ADCK1: variants seen among roughly 807,000 people sequenced by gnomAD.
ADCK1 encodes aarF domain-containing protein kinase 1.
In ADCK1, 41 loss-of-function variants were observed where a neutral mutation model predicts 52.3. That is an observed-to-expected ratio of 0.78 (90% CI 0.61 to 1.02). The LOEUF (loss-of-function observed/expected upper bound fraction) is 1.02, where lower values mean the gene tolerates loss of function less well. ADCK1 is among the 50% of genes least tolerant of loss of function. The probability of loss-of-function intolerance (pLI) is 0.00; values close to 1 mark genes in which losing one functional copy is unlikely to be tolerated. For synonymous variants in ADCK1, 250 were observed against 274.6 expected (o/e 0.91, Z 0.89); for missense variants, 658 against 679.5 (o/e 0.97, Z 0.35).
rs2082026767 is a variant in ADCK1, at chr14:77,839,711, A to G, written c.219+17193A>G. On this transcript the variant is annotated intron_variant, in intron 3 of 10. Coordinates refer to ENST00000238561, the MANE Select transcript of ADCK1 (RefSeq NM_020421.4). The stretch of plus-strand genomic sequence containing the variant: ...CACTTTGGGAGGCCGATGCAGGTGG[A>G]TGACGTGAGATCAGGAGTTTGAGAC... Among the ~76,000 whole-genome samples the G allele has an allele frequency of 2.0e-5, 3 of 151,924 alleles. No homozygotes were observed. The South Asian group carries it at 6.2e-4, about 31-fold the overall frequency.
At chr14:77,862,243 G>A (rs2082565453) in intron 4 of ADCK1, among the ~76,000 whole-genome samples, 1 of 152,208 alleles carries the variant, frequency 6.6e-6, no homozygotes, top group Admixed American at 6.5e-5. Context: ...GCAATCAGGA[G>A]CCCAGCCTCT....
chr14:77,864,706 G>A (rs2082626522), intron 4 of ADCK1, among the ~76,000 whole-genome samples: 1 of 151,916 alleles, frequency 6.6e-6, no homozygotes, highest in Admixed American at 6.6e-5. Context: ...TGTATTTAGA[G>A]CTAGAGAGAG....
At chr14:77,892,027 G>A (rs1280905492) in intron 5 of ADCK1, among the ~76,000 whole-genome samples, 1 of 152,146 alleles carries the variant, frequency 6.6e-6, no homozygotes, top group African/African-American at 2.4e-5. Flanking sequence ...ACAGAGAGGA[G>A]GAAAAGCTAC....
chr14:77,915,839 C>G (rs949809218), intron 7 of ADCK1, among the ~76,000 whole-genome samples: 2 of 152,172 alleles, frequency 1.3e-5, no homozygotes, highest in Non-Finnish European at 2.9e-5. Flanking sequence ...GCTGTGCCAC[C>G]TTGGTGAAGC....
At position 77,887,125 on chromosome 14, in the gene ADCK1, C is replaced by T. The variant is rs760236958; in HGVS notation, c.458C>T (p.Pro153Leu). 6.2e-7 allele frequency: 1 copy of T among 1,605,350 alleles called. No homozygotes were observed. Among genetic ancestry groups the T allele is most frequent in the Non-Finnish European group, 8.5e-7 (1 of 1,176,064 alleles). Residue 153 changes from proline to leucine, a missense_variant, in exon 5 of 11, where the codon CCT (proline) becomes CTT (leucine). Coordinates refer to ENST00000238561, the MANE Select transcript of ADCK1 (RefSeq NM_020421.4). The stretch of plus-strand genomic sequence containing the variant: ...TTGTTCCAGAGCTTCGATGACACCC[C>T]TCTGGGGACGGCCTCCCTGGCCCAG... ...HDLFQSFDDT[P>L]LGTASLAQVH...
rs115763185 is a variant in ADCK1 at position 77,840,570 on chromosome 14, G to A, written c.219+18052G>A. 6.4e-3 allele frequency among the ~76,000 whole-genome samples: 969 copies of A among 152,182 alleles called. 8 individuals are homozygous for A. Among genetic ancestry groups the A allele is most frequent in the African/African-American group, 0.022 (929 of 41,510 alleles). ...AGCAGATTAAGAAATTAAACTGGCC[G>A]TGTGTGGTGGCTCACGCCTGTAATC... On this transcript the variant is annotated intron_variant, in intron 3 of 10. Coordinates refer to ENST00000238561, the MANE Select transcript of ADCK1 (RefSeq NM_020421.4).
At chr14:77,932,485 G>A (rs764815371) in intron 10 of ADCK1, among the ~76,000 whole-genome samples, 6 of 152,134 alleles carry the variant, frequency 3.9e-5, no homozygotes, top group East Asian at 1.9e-4. Flanking sequence ...GAAGGGCCCC[G>A]CTCTGGATGA....
Position 77,927,186 on chromosome 14 carries a change from A to C in ADCK1, c.1206+1225A>C, listed in dbSNP as rs1195965426. Among the ~76,000 whole-genome samples, 4 of 152,298 alleles carry C rather than the reference A, an allele frequency of 2.6e-5. No homozygotes were observed. In the East Asian group the frequency reaches 7.7e-4, roughly 29 times the overall value. ...TGGGAATGGCTAGATCCAGATTCTC[A>C]AATGATGTCATCAAAGAGACCATCC... On this transcript the variant is annotated intron_variant, in intron 9 of 10. Coordinates refer to ENST00000238561, the MANE Select transcript of ADCK1 (RefSeq NM_020421.4).
intron 7 of ADCK1, among the ~76,000 whole-genome samples, chr14:77,910,688 T>G (rs979242003): frequency 2.0e-5 from 3 of 152,212 alleles, no homozygotes; most frequent in Non-Finnish European, 4.4e-5. Flanking sequence ...AGAGGCAACG[T>G]TGATTTTCCA....
At chr14:77,836,376 G>A (rs1263273062) in intron 3 of ADCK1, among the ~76,000 whole-genome samples, 1 of 152,144 alleles carries the variant, frequency 6.6e-6, no homozygotes, top group East Asian at 1.9e-4. Flanking sequence ...CTGTACTTAG[G>A]GGTCTCTATT....
intron 10 of ADCK1, among the ~76,000 whole-genome samples, chr14:77,932,309 A>G (rs918924920): frequency 3.3e-5 from 5 of 152,120 alleles, no homozygotes; most frequent in Admixed American, 1.3e-4. Context: ...TTGGCCTCCC[A>G]AAGTCCTGGG....
intron 1 of ADCK1, among the ~76,000 whole-genome samples, chr14:77,806,635 G>A (rs2081230619): frequency 6.6e-6 from 1 of 152,048 alleles, no homozygotes; most frequent in South Asian, 2.1e-4. Context: ...TTGTGCCTAG[G>A]TGTCTCTCCC....
At position 77,923,340 on chromosome 14, in the gene ADCK1, G is replaced by T. The variant is rs144547712; in HGVS notation, c.859-1117G>T. ...GGCAGCAGGAATAGCATGTGCAAAG[G>T]CCCTGAGGCCAGAAAGCACACGGAT... On this transcript the variant is annotated intron_variant, in intron 7 of 10. Coordinates refer to ENST00000238561, the MANE Select transcript of ADCK1 (RefSeq NM_020421.4). This position sits in a 1 kb window ranked among gnomAD's most constrained non-coding sequence, Gnocchi z 4.3. 1.3e-5 allele frequency: 2 copies of T among 152,420 alleles called. No individual in the cohort carries two copies. The highest frequency in any genetic ancestry group is 1.3e-4 in the Admixed American group (2 of 15,292). 9.4% of individuals were successfully genotyped at this position (152,420 alleles called of 1,614,324 possible).
chr14:77,888,387 C>T (rs906613432), intron 5 of ADCK1, among the ~76,000 whole-genome samples: 1 of 152,168 alleles, frequency 6.6e-6, no homozygotes, highest in African/African-American at 2.4e-5. Flanking sequence ...GGTCAACACT[C>T]ACTACATATT....
At chr14:77,867,206 G>T (rs1566682451) in intron 4 of ADCK1, among the ~76,000 whole-genome samples, 1 of 152,194 alleles carries the variant, frequency 6.6e-6, no homozygotes, top group South Asian at 2.1e-4. Context: ...ACCTTTGGCG[G>T]TCTGTAGACT....
At chr14:77,850,673 T>C (rs925756207) in intron 3 of ADCK1, among the ~76,000 whole-genome samples, 4 of 142,182 alleles carry the variant, frequency 2.8e-5, no homozygotes, top group African/African-American at 1.1e-4. Context: ...TTTTTTGAGA[T>C]GGTGTCTTGC....
At chr14:77,882,345 G>A (rs1352789827) in intron 4 of ADCK1, among the ~76,000 whole-genome samples, 2 of 152,234 alleles carry the variant, frequency 1.3e-5, no homozygotes, top group East Asian at 3.9e-4. Context: ...TGCCCCAGGT[G>A]CCCTAAGTGG....
Position 77,818,970 on chromosome 14 carries a change from T to G in ADCK1, c.-9T>G. On this transcript the variant is annotated splice_region_variant and 5_prime_UTR_variant, in exon 2 of 11. Transcript: ENST00000238561. ...CTCAACTTTCCTTTTTTCTGCAGGA[T>G]CTGGCGACATGGCCAGAAAGGCTCT... The G allele has an allele frequency of 6.2e-7, 1 of 1,613,324 alleles. No individual in the cohort carries two copies. The highest frequency in any genetic ancestry group is 1.1e-5 in the South Asian group (1 of 90,820).
At chr14:77,878,050 C>T (rs1020625342) in intron 4 of ADCK1, among the ~76,000 whole-genome samples, 1 of 152,222 alleles carries the variant, frequency 6.6e-6, no homozygotes, top group African/African-American at 2.4e-5. Context: ...GCCAGCTTTC[C>T]CTTCATTGCA....
Sources: allele counts gnomAD v4.1 joint callset (sites outside exome capture counted in the v4.1 genomes callset), GRCh38; gene constraint gnomAD v4.1.1; non-coding constraint Gnocchi (gnomAD v3.1); transcripts MANE v1.5; gene names NCBI Gene and HGNC (gene_info 2026-07-23, HGNC 2026-07-21).